Variants in LARGE1 observed in about 807,000 individuals in gnomAD.
LARGE1 encodes the protein xylosyl- and glucuronyltransferase LARGE1.
In LARGE1, 43 loss-of-function variants were observed where a neutral mutation model predicts 87.6. The observed-to-expected ratio is 0.49, with a 90% CI of 0.38 to 0.63. The LOEUF (loss-of-function observed/expected upper bound fraction) is 0.63. LARGE1 is among the 30% of genes least tolerant of loss of function. The pLI is 0.00. For missense variants in LARGE1, 802 were observed against 1,000.2 expected (o/e 0.80, Z 2.67); for synonymous variants, 434 against 394.6 (o/e 1.10, Z -1.18).
intron 6 of LARGE1, among the ~76,000 whole-genome samples, chr22:33,485,239 AG>A (rs2069520404): frequency 6.9e-6 from 1 of 145,582 alleles, no homozygotes; most frequent in South Asian, 2.2e-4. Context: ...TTTGAGACAG[AG>A]TCTTGCTCTG....
At chr22:33,742,394 G>A (rs1052482376) in intron 2 of LARGE1, among the ~76,000 whole-genome samples, 2 of 152,206 alleles carry the variant, frequency 1.3e-5, no homozygotes, top group African/African-American at 4.8e-5. Flanking sequence ...TTCTCATAAA[G>A]GAGGCGATCA....
In LARGE1 at chr22:33,169,859, A is replaced by G. The variant is rs934166245; in HGVS notation, c.1731-3027T>C. ...GAGCAAGACTCTCTCTCAAAAAAGG[A>G]AAAAAAAAAGTCCTGAGGTTTTACA... is the stretch of plus-strand genomic sequence containing the variant. On this transcript the variant is annotated intron_variant, in intron 11 of 11. Coordinates refer to the LARGE1 transcript ENST00000608642. 9.4e-5 allele frequency among the ~76,000 whole-genome samples: 14 copies of G among 148,716 alleles called. No homozygotes were observed. In the East Asian group the frequency reaches 1.4e-3, roughly 15 times the overall value.
chr22:33,644,520 C>G (rs892399443), intron 3 of LARGE1, among the ~76,000 whole-genome samples: 2 of 152,198 alleles, frequency 1.3e-5, no homozygotes, highest in Admixed American at 1.3e-4. Flanking sequence ...GATGCCCTCT[C>G]TCATCACTCC....
At chr22:33,169,176 A>T (rs1323374064) in intron 11 of LARGE1, among the ~76,000 whole-genome samples, 1 of 152,248 alleles carries the variant, frequency 6.6e-6, no homozygotes, top group Non-Finnish European at 1.5e-5. Flanking sequence ...TAAAGATTTT[A>T]AAAATCTGTC....
At chr22:33,396,125 G>A (rs2065730564) in intron 7 of LARGE1, among the ~76,000 whole-genome samples, 1 of 152,238 alleles carries the variant, frequency 6.6e-6, no homozygotes, top group Admixed American at 6.5e-5. Flanking sequence ...TTGCTGGTTT[G>A]AACCAGTGAA....
chr22:33,277,674 T>A (rs913507662), intron 13 of LARGE1, among the ~76,000 whole-genome samples: 1 of 152,166 alleles, frequency 6.6e-6, no homozygotes, highest in Non-Finnish European at 1.5e-5. Context: ...GGAAGAAGCA[T>A]GGACCTGCTG....
chr22:33,079,094 A>G, the LARGE1 span, among the ~76,000 whole-genome samples: 7 of 152,180 alleles, frequency 4.6e-5, no homozygotes, highest in East Asian at 1.2e-3. Flanking sequence ...TTTCTCATCT[A>G]TGCCATGAGG....
At chr22:33,074,027 G>A in the LARGE1 span, among the ~76,000 whole-genome samples, 1 of 152,034 alleles carries the variant, frequency 6.6e-6, no homozygotes, top group African/African-American at 2.4e-5. Context: ...CGGGCTTATT[G>A]TCTGCTCATT....
the LARGE1 span, among the ~76,000 whole-genome samples, chr22:33,139,399 CCTT>C: frequency 6.6e-6 from 1 of 152,194 alleles, no homozygotes; most frequent in African/African-American, 2.4e-5. Flanking sequence ...TCTTTCCTCT[CCTT>C]CTGTTGCTTC....
chr22:33,820,605 G>A (rs748785089), intron 1 of LARGE1, among the ~76,000 whole-genome samples: 6 of 152,108 alleles, frequency 3.9e-5, no homozygotes, highest in Non-Finnish European at 8.8e-5. Context: ...AGGATTATAG[G>A]CTTGAGCCAC....
intron 5 of LARGE1, among the ~76,000 whole-genome samples, chr22:33,602,741 G>A (rs2079145194): frequency 6.6e-6 from 1 of 152,118 alleles, no homozygotes; most frequent in South Asian, 2.1e-4. Flanking sequence ...CAAACTCCTG[G>A]GCTCAAGTGA....
intron 4 of LARGE1, among the ~76,000 whole-genome samples, chr22:33,615,452 CACAA>C (rs1282942004): frequency 6.6e-6 from 1 of 151,532 alleles, no homozygotes; most frequent in Non-Finnish European, 1.5e-5. Context: ...GTCCCTGAAG[CACAA>C]ACAATGAAAG....
chr22:33,604,593 G>A (rs1395199427), intron 4 of LARGE1, 35 bp from the exon 5 acceptor site: 2 of 1,613,766 alleles, frequency 1.2e-6, no homozygotes, highest in Non-Finnish European at 1.7e-6. Flanking sequence ...GTCAGGTGGA[G>A]AGGTACGGCT....
At chr22:33,858,428 C>CCAG (rs1745475036) in intron 1 of LARGE1, among the ~76,000 whole-genome samples, 1 of 152,228 alleles carries the variant, frequency 6.6e-6, no homozygotes. Flanking sequence ...AAGAGGGTAG[C>CCAG]CATTGCTGGC....
chr22:33,135,431 C>T, the LARGE1 span, among the ~76,000 whole-genome samples: 1 of 152,142 alleles, frequency 6.6e-6, no homozygotes, highest in African/African-American at 2.4e-5. Context: ...CCAGGAAAAA[C>T]AATATCATTA....
intron 1 of LARGE1, among the ~76,000 whole-genome samples, chr22:33,783,044 T>C (rs1027313960): frequency 2.0e-5 from 3 of 152,120 alleles, no homozygotes; most frequent in African/African-American, 7.2e-5. Context: ...ACAAATGCTA[T>C]GGTACTCAAT....
At chr22:33,767,254 G>A (rs1028034628) in intron 1 of LARGE1, among the ~76,000 whole-genome samples, 4 of 151,162 alleles carry the variant, frequency 2.6e-5, no homozygotes, top group South Asian at 2.1e-4. Flanking sequence ...CCGGGGAGGC[G>A]GAGGTTACAA....
At chr22:33,086,523 T>C in the LARGE1 span, among the ~76,000 whole-genome samples, 1 of 152,004 alleles carries the variant, frequency 6.6e-6, no homozygotes, top group South Asian at 2.1e-4. Flanking sequence ...GGACAATTGT[T>C]TGGTGGCATA....
chr22:33,120,852 T>G, the LARGE1 span, among the ~76,000 whole-genome samples: 1 of 151,954 alleles, frequency 6.6e-6, no homozygotes, highest in Non-Finnish European at 1.5e-5. Context: ...TGAATAAAGC[T>G]GCTCCTGCCT....
Sources: gnomAD v4.1 joint callset for allele counts (sites outside exome capture counted in the v4.1 genomes callset) on GRCh38, gnomAD v4.1.1 for gene constraint, MANE v1.5 for transcripts, NCBI Gene and HGNC (gene_info 2026-07-23, HGNC 2026-07-21) for gene names.